The following TRIP11 variants were observed in gnomAD, a reference collection of about 807,000 sequenced individuals.
TRIP11 encodes the protein thyroid hormone receptor interactor 11.
In TRIP11, 148 loss-of-function variants were observed where a neutral mutation model predicts 223.1. That is an observed-to-expected ratio of 0.66 (90% CI 0.58 to 0.76). The LOEUF is 0.76. TRIP11 is among the 30% of genes least tolerant of loss of function. The pLI is 0.00. For synonymous variants in TRIP11, 762 were observed against 772.6 expected, an observed-to-expected ratio of 0.99 and a Z score of 0.23; for missense variants, 2,043 against 2,222.0, an observed-to-expected ratio of 0.92 and a Z score of 1.62.
At chr14:92,008,672 T>A (rs1440658740) in intron 9 of TRIP11, among the ~76,000 whole-genome samples, 1 of 152,170 alleles carries the variant, frequency 6.6e-6, no homozygotes, top group Non-Finnish European at 1.5e-5. Flanking sequence ...GACAGATTTT[T>A]AAAAATCAAA....
chr14:91,973,624 T>G (rs1430947244), intron 19 of TRIP11, among the ~76,000 whole-genome samples: 3 of 152,260 alleles, frequency 2.0e-5, no homozygotes, highest in African/African-American at 7.2e-5. Context: ...TAAAATAATG[T>G]AGTGTAGACC....
intron 1 of TRIP11, among the ~76,000 whole-genome samples, chr14:92,034,424 C>CAAAAAAAAAAAA (rs34612555): frequency 9.8e-4 from 131 of 133,352 alleles, no homozygotes; most frequent in African/African-American, 3.5e-3. Flanking sequence ...CTCTTGTCTC[C>CAAAAAAAAAAAA]AAAAAAAAAA....
Position 91,995,333 on chromosome 14 carries a change from G to T in TRIP11, c.5056+19C>A. 2 of 1,612,544 alleles carry T rather than the reference G, an allele frequency of 1.2e-6. No homozygotes were observed. The highest frequency in any genetic ancestry group is 2.2e-5 in the South Asian group (2 of 91,002). On this transcript the variant is annotated intron_variant, in intron 14 of 20. Coordinates refer to ENST00000267622, the MANE Select transcript of TRIP11 (RefSeq NM_004239.4). The stretch of plus-strand genomic sequence containing the variant: ...TAACTACAATTTTTCTTCATTGAAA[G>T]AGTGACCGTAGAGCTTACCTTGTTG...
rs1054855634 is a variant in TRIP11 at position 92,037,084 on chromosome 14, T to C, written c.139+2463A>G. 4.1e-4 allele frequency among the ~76,000 whole-genome samples: 63 copies of C among 152,194 alleles called. No individual in the cohort carries two copies. Among genetic ancestry groups the C allele is most frequent in the South Asian group, 4.1e-4 (2 of 4,834 alleles). On this transcript the variant is annotated intron_variant, in intron 1 of 20. Transcript: ENST00000267622. The surrounding 1 kb of genome is among the most constrained non-coding windows in gnomAD (Gnocchi z 4.2). ...TAAATTAGGTGTTAAGCAAGTCCGA[T>C]TGAAATACAAAGGGGAAAGAATAAA...
chr14:91,995,889 T>C (rs897246344), intron 13 of TRIP11, among the ~76,000 whole-genome samples: 3 of 151,104 alleles, frequency 2.0e-5, no homozygotes, highest in Admixed American at 2.0e-4. Flanking sequence ...GTGCTGGGAT[T>C]ACAGGCATGA....
chr14:91,993,089 CAA>C (rs911003525), intron 15 of TRIP11, among the ~76,000 whole-genome samples: 1 of 129,656 alleles, frequency 7.7e-6, no homozygotes, highest in Non-Finnish European at 1.7e-5. Flanking sequence ...TGTTATTATA[CAA>C]AAAAAAAAAG....
Position 92,039,828 on chromosome 14 carries a change from C to CG in TRIP11, c.-144dup. ...ACAAAGCTGGGTTCTCAGGCAAGGC[C>CG]GACTCCAGGTTCTGCCTAGAAACGC... On this transcript the variant is annotated 5_prime_UTR_variant, in exon 1 of 21. Coordinates refer to ENST00000267622, the MANE Select transcript of TRIP11 (RefSeq NM_004239.4). The CG allele has an allele frequency of 6.6e-7, 1 of 1,524,764 alleles. No individual in the cohort carries two copies. The highest frequency in any genetic ancestry group is 8.9e-7 in the Non-Finnish European group (1 of 1,129,326). The allele number at this position is 1,524,764 out of a possible 1,614,324, so 94.5% of individuals were successfully genotyped here.
intron 1 of TRIP11, among the ~76,000 whole-genome samples, chr14:92,036,413 T>C (rs1262207635): frequency 6.6e-6 from 1 of 152,206 alleles, no homozygotes; most frequent in Admixed American, 6.5e-5. Flanking sequence ...AACCTCACAA[T>C]AGGTATGATT....
chr14:91,984,705 G>A (rs746023910), intron 16 of TRIP11, among the ~76,000 whole-genome samples: 6 of 152,078 alleles, frequency 3.9e-5, no homozygotes, highest in Non-Finnish European at 5.9e-5. Flanking sequence ...CATAAATATA[G>A]CAAGATAATG....
At chr14:92,033,872 G>C (rs530618893) in intron 1 of TRIP11, among the ~76,000 whole-genome samples, 15 of 152,150 alleles carry the variant, frequency 9.9e-5, no homozygotes, top group African/African-American at 2.9e-4. Context: ...ATTTATTCTA[G>C]AGCTGCAGGC....
At chr14:92,023,621 C>T (rs561199459) in intron 3 of TRIP11, among the ~76,000 whole-genome samples, 1 of 152,244 alleles carries the variant, frequency 6.6e-6, no homozygotes, top group Non-Finnish European at 1.5e-5. Flanking sequence ...GTTAGAATCT[C>T]CTAGGTGGTG....
intron 15 of TRIP11, 33 bp downstream of exon 15, chr14:91,993,776 T>G: frequency 1.3e-6 from 2 of 1,516,400 alleles, no homozygotes; most frequent in Non-Finnish European, 1.8e-6. Flanking sequence ...CCATGAATAA[T>G]AAAACCTACA....
chr14:91,980,710 C>G (rs1186392800), intron 16 of TRIP11, among the ~76,000 whole-genome samples: 2 of 151,820 alleles, frequency 1.3e-5, no homozygotes, highest in African/African-American at 2.4e-5. Flanking sequence ...TGTTTGTCAT[C>G]TTTGAGGCCA....
intron 16 of TRIP11, among the ~76,000 whole-genome samples, chr14:91,979,737 A>G (rs1412153913): frequency 6.6e-6 from 1 of 152,146 alleles, no homozygotes; most frequent in Non-Finnish European, 1.5e-5. Context: ...AAGGAAAAGA[A>G]AGTCAAACAC....
At chr14:92,001,380 T>G (rs1044238288) in intron 11 of TRIP11, among the ~76,000 whole-genome samples, 6 of 151,664 alleles carry the variant, frequency 4.0e-5, no homozygotes, top group Admixed American at 3.3e-4. Flanking sequence ...TTTTCAGTTT[T>G]TTTTTTTTTT....
intron 2 of TRIP11, among the ~76,000 whole-genome samples, chr14:92,029,752 C>G (rs962466363): frequency 2.6e-5 from 4 of 152,152 alleles, no homozygotes; most frequent in Admixed American, 2.6e-4. Context: ...CAAAGGAAAA[C>G]ATTCACAATT....
intron 15 of TRIP11, among the ~76,000 whole-genome samples, chr14:91,992,419 T>TA (rs1421019023): frequency 6.6e-6 from 1 of 152,160 alleles, no homozygotes; most frequent in African/African-American, 2.4e-5. Context: ...GCTGCATTGT[T>TA]AGTCTTATAT....
Position 92,006,073 on chromosome 14 carries a change from A to G in TRIP11, c.1903T>C (p.Ser635Pro). The G allele has an allele frequency of 1.9e-6, 3 of 1,586,186 alleles. No homozygotes were observed. Among genetic ancestry groups the G allele is most frequent in the Non-Finnish European group, 2.6e-6 (3 of 1,170,862 alleles). ...NELMQSLNQD[S>P]NSNFKDTLLK... ...AAGGTATCCTTAAAATTACTATTAG[A>G]GTCTTGATTTAGAGACTGCATTAAC... The change falls in exon 11 of 21, where the codon TCT (serine) becomes CCT (proline). Residue 635 changes from serine to proline, a missense_variant. Transcript: ENST00000267622.
intron 7 of TRIP11, among the ~76,000 whole-genome samples, chr14:92,012,628 C>T (rs2056986364): frequency 6.6e-6 from 1 of 151,974 alleles, no homozygotes; most frequent in African/African-American, 2.4e-5. Flanking sequence ...TGAGAGTCGG[C>T]TAAAAGAGCC....
Sources: allele counts gnomAD v4.1 joint callset (sites outside exome capture counted in the v4.1 genomes callset), GRCh38; gene constraint gnomAD v4.1.1; non-coding constraint Gnocchi (gnomAD v3.1); transcripts MANE v1.5; gene names NCBI Gene and HGNC (gene_info 2026-07-23, HGNC 2026-07-21).